CELF2: variants seen among roughly 807,000 people sequenced by gnomAD.
CELF2 encodes the protein CUGBP Elav-like family member 2.
In CELF2, 8 loss-of-function variants were observed where a neutral mutation model predicts 62.6. The ratio of observed to expected loss-of-function variants is 0.13; its 90% CI spans 0.07 to 0.23. The LOEUF is 0.23. Ranked by LOEUF, CELF2 falls within the 10% of genes least tolerant of loss-of-function variation. CELF2 has a pLI of 1.00. For missense variants in CELF2, 333 were observed against 671.0 expected (o/e 0.50, Z 5.56); for synonymous variants, 258 against 250.0 (o/e 1.03, Z -0.30).
the CELF2 span, among the ~76,000 whole-genome samples, chr10:10,545,085 C>A: frequency 6.6e-6 from 1 of 152,174 alleles, no homozygotes; most frequent in Non-Finnish European, 1.5e-5. Flanking sequence ...GAGCAATCAG[C>A]CCACGCAAGT....
chr10:11,190,727 A>G (rs2076098118), intron 2 of CELF2, among the ~76,000 whole-genome samples: 2 of 150,510 alleles, frequency 1.3e-5, no homozygotes, highest in Non-Finnish European at 2.9e-5. Flanking sequence ...GAGAAAGCTC[A>G]AAACTAAATT....
At chr10:10,710,949 G>T in the CELF2 span, among the ~76,000 whole-genome samples, 1 of 152,156 alleles carries the variant, frequency 6.6e-6, no homozygotes, top group Non-Finnish European at 1.5e-5. Flanking sequence ...ATTAACTGTG[G>T]TTTTTAGAGT....
chr10:10,752,688 C>CAAAAAAAAAAAAAAAAA, the CELF2 span, among the ~76,000 whole-genome samples: 2 of 58,978 alleles, frequency 3.4e-5, no homozygotes, highest in African/African-American at 7.3e-5. Flanking sequence ...GACTCCGTCT[C>CAAAAAAAAAAAAAAAAA]AAAAAAAAAA....
chr10:10,468,952 C>A, the CELF2 span, among the ~76,000 whole-genome samples: 1 of 151,860 alleles, frequency 6.6e-6, no homozygotes, highest in African/African-American at 2.4e-5. Context: ...TTGTATGCCT[C>A]AAACTAGATC....
the CELF2 span, among the ~76,000 whole-genome samples, chr10:10,562,519 A>C: frequency 6.6e-6 from 1 of 152,286 alleles, no homozygotes; most frequent in South Asian, 2.1e-4. Context: ...AGTAATTTGC[A>C]GAGAGTAGTG....
the CELF2 span, among the ~76,000 whole-genome samples, chr10:10,480,923 A>C: frequency 6.6e-6 from 1 of 152,102 alleles, no homozygotes; most frequent in Admixed American, 6.5e-5. Flanking sequence ...AATCTTGCCC[A>C]GTGGTAGCAG....
chr10:10,969,867 G>A (rs2050573335), intron 2 of CELF2, among the ~76,000 whole-genome samples: 1 of 152,094 alleles, frequency 6.6e-6, no homozygotes, highest in Admixed American at 6.6e-5. Context: ...GAAGTTGGGT[G>A]GTGCTGGTGT....
At position 11,309,859 on chromosome 10, in the gene CELF2, G is replaced by A. The variant is rs1199629170; in HGVS notation, c.977-4280G>A. 6.6e-6 allele frequency among the ~76,000 whole-genome samples: 1 copy of A among 152,182 alleles called. No individual in the cohort carries two copies. The highest frequency in any genetic ancestry group is 6.5e-5 in the Admixed American group (1 of 15,282). Reference sequence around the variant, plus strand: ...TGAGGTTTGAACTTTCCTATACTCTGTTCCAAATAATTAGTTATCCTTAGG... The same window carrying A: ...TGAGGTTTGAACTTTCCTATACTCTATTCCAAATAATTAGTTATCCTTAGG... On this transcript the variant is annotated intron_variant, in intron 9 of 12. Coordinates refer to ENST00000633077, the MANE Select transcript of CELF2 (RefSeq NM_001326342.2). This position sits in a 1 kb window ranked among gnomAD's most constrained non-coding sequence, Gnocchi z 5.6.
chr10:11,286,685 C>A (rs2139565929), intron 8 of CELF2, among the ~76,000 whole-genome samples: 1 of 152,268 alleles, frequency 6.6e-6, no homozygotes, highest in African/African-American at 2.4e-5. Context: ...CACTGTGTGA[C>A]CCTTGACGAG....
rs552462186 is a variant in CELF2, at chr10:11,178,272, C to T, written c.271+12590C>T. ...TGTCTAATGGGAACTGGACGGTGAC[C>T]ACCAGTCCGTTTTACACAGGCCACC... On this transcript the variant is annotated intron_variant, in intron 2 of 12. Transcript: ENST00000633077. The surrounding 1 kb of genome is among the most constrained non-coding windows in gnomAD (Gnocchi z 4.3). Among the ~76,000 whole-genome samples the T allele has an allele frequency of 6.6e-6, 1 of 152,280 alleles. No homozygotes were observed. The highest frequency in any genetic ancestry group is 2.1e-4 in the South Asian group (1 of 4,832).
intron 1 of CELF2, among the ~76,000 whole-genome samples, chr10:11,099,885 A>C (rs1417378222): frequency 1.2e-5 from 1 of 83,516 alleles, no homozygotes; most frequent in Non-Finnish European, 2.4e-5. Flanking sequence ...CAACAACAAC[A>C]AAAAAAAAAA....
In CELF2 at chr10:11,335,865, C is replaced by T. The variant is rs2096110776; in HGVS notation, c.*6812C>T. The T allele has an allele frequency of 6.6e-6, 1 of 152,164 alleles. No homozygotes were observed. The highest frequency in any genetic ancestry group is 2.4e-5 in the African/African-American group (1 of 41,424). The allele number at this position is 152,164 out of a possible 1,614,324, so 9.4% of individuals were successfully genotyped here. A position where few individuals can be genotyped will look rare whatever the true frequency, so the allele number is the denominator to read the frequency against. On this transcript the variant is annotated 3_prime_UTR_variant, in exon 13 of 13. Coordinates refer to ENST00000633077, the MANE Select transcript of CELF2 (RefSeq NM_001326342.2). The surrounding 1 kb of genome is among the most constrained non-coding windows in gnomAD (Gnocchi z 5.0). ...TAAGCAAAGGAAGAGAAAGACAAAG[C>T]CAGTTTTTGTTGCTTTTCTAAAGCA...
the CELF2 span, among the ~76,000 whole-genome samples, chr10:10,530,171 G>C: frequency 6.6e-6 from 1 of 152,182 alleles, no homozygotes; most frequent in Admixed American, 6.5e-5. Context: ...AGCAAGTAAA[G>C]TGATGAAAGA....
the CELF2 span, among the ~76,000 whole-genome samples, chr10:10,727,102 T>C: frequency 6.6e-6 from 1 of 152,136 alleles, no homozygotes; most frequent in Non-Finnish European, 1.5e-5. Context: ...CCCATCACGA[T>C]CAGATCACCT....
chr10:11,292,456 A>G (rs756915286), intron 9 of CELF2, among the ~76,000 whole-genome samples: 2 of 152,218 alleles, frequency 1.3e-5, no homozygotes, highest in African/African-American at 4.8e-5. Context: ...GCCACCTTCA[A>G]TAGATGTCTG....
the CELF2 span, among the ~76,000 whole-genome samples, chr10:10,616,717 TGTGAGAGAGAGAGA>T: frequency 1.4e-5 from 2 of 138,684 alleles, no homozygotes; most frequent in African/African-American, 2.7e-5. Context: ...TGTGTGTGTG[TGTGAGAGAGAGAGA>T]GAGAGAGAGA....
At chr10:10,581,812 G>A in the CELF2 span, among the ~76,000 whole-genome samples, 165 of 152,156 alleles carry the variant, frequency 1.1e-3, no homozygotes, top group African/African-American at 3.7e-3. Context: ...GGCTGATCAC[G>A]AGGTCAGGTG....
intron 1 of CELF2, among the ~76,000 whole-genome samples, chr10:10,853,405 G>C (rs754043365): frequency 5.9e-5 from 9 of 152,144 alleles, no homozygotes; most frequent in Non-Finnish European, 8.8e-5. Flanking sequence ...TTGGGGAGGA[G>C]TGGTGCATTT....
intron 1 of CELF2, among the ~76,000 whole-genome samples, chr10:11,079,196 A>G (rs1190691615): frequency 1.3e-5 from 2 of 152,230 alleles, no homozygotes; most frequent in African/African-American, 4.8e-5. Flanking sequence ...AGAGAGGAGT[A>G]TCTCAAAAAT....
Sources: allele counts gnomAD v4.1 joint callset (sites outside exome capture counted in the v4.1 genomes callset), GRCh38; gene constraint gnomAD v4.1.1; non-coding constraint Gnocchi (gnomAD v3.1); transcripts MANE v1.5; gene names NCBI Gene and HGNC (gene_info 2026-07-23, HGNC 2026-07-21).